CLCF1: variants seen among roughly 807,000 people sequenced by gnomAD.
CLCF1 encodes cardiotrophin-like cytokine factor 1.
CLCF1 carries 10 observed loss-of-function variants against 21.2 expected under a neutral mutation model. The ratio of observed to expected loss-of-function variants is 0.47; its 90% confidence interval spans 0.29 to 0.80. The LOEUF (loss-of-function observed/expected upper bound fraction) is 0.80, where lower values mean the gene tolerates loss of function less well. CLCF1 is among the 30% of genes least tolerant of loss of function. The pLI is 0.09. For missense variants in CLCF1, 240 were observed against 293.4 expected (o/e 0.82, Z 1.33); for synonymous variants, 115 against 120.5 (o/e 0.95, Z 0.30).
At position 67,369,657 on chromosome 11, in the gene CLCF1, G is replaced by C. The variant is rs547542313; in HGVS notation, c.17-2031C>G. The C allele has an allele frequency of 5.5e-5, 54 of 985,328 alleles. 1 individual carries two copies. The highest frequency in any genetic ancestry group is 1.8e-5 in the Non-Finnish European group (15 of 829,938). 61.0% of individuals were successfully genotyped at this position (985,328 alleles called of 1,614,324 possible). A position where few individuals can be genotyped will look rare whatever the true frequency, so the allele number is the denominator to read the frequency against. On this transcript the variant is annotated intron_variant, in intron 1 of 2. Transcript: ENST00000312438. The stretch of plus-strand genomic sequence containing the variant: ...CAGCCTTGAGGTCGCTTTCAGCATC[G>C]AGTCTGGCTTCACTCAAAGTTAGTG...
In CLCF1 at chr11:67,365,447, G is replaced by C. The variant is rs1363278334; in HGVS notation, c.367C>G (p.Gln123Glu). 2.5e-6 allele frequency: 4 copies of C among 1,613,896 alleles called. No homozygotes were observed. The South Asian group carries it at 4.4e-5, about 18-fold the overall frequency. Residue 123 changes from glutamine (Q) to glutamate (E), a missense_variant, in exon 3 of 3, where the codon CAG becomes GAG. Physicochemically the swap from Gln to Glu is conservative, Grantham distance 29 (BLOSUM62 2). Coordinates refer to ENST00000312438, the MANE Select transcript of CLCF1 (RefSeq NM_013246.3). This position sits in a 1 kb window ranked among gnomAD's most constrained non-coding sequence, Gnocchi z 5.0. ...LLCYLRGLNR[Q>E]AATAELRRSL... ...CGGCGCAGCTCAGCAGTGGCAGCCT[G>C]ACGGTTGAGGCCACGCAAGTAACAC...
Position 67,372,831 on chromosome 11 carries a change from C to T in CLCF1, c.16+693G>A, listed in dbSNP as rs912662530. ...ATAATCACTCCCAGGCCACGGTGGC[C>T]CGGGGGACTCGCGGCCGCCGCCCGC... is the stretch of plus-strand genomic sequence containing the variant. On this transcript the variant is annotated intron_variant, in intron 1 of 2. Transcript: ENST00000312438. This position sits in a 1 kb window ranked among gnomAD's most constrained non-coding sequence, Gnocchi z 5.9. 2.7e-5 allele frequency among the ~76,000 whole-genome samples: 4 copies of T among 149,954 alleles called. No individual in the cohort carries two copies. The highest frequency in any genetic ancestry group is 7.3e-5 in the African/African-American group (3 of 41,198).
At chr11:67,368,864 T>C in intron 1 of CLCF1, 1 of 983,776 alleles carries the variant, frequency 1.0e-6, no homozygotes, top group African/African-American at 1.8e-5. Context: ...TCAGCTTGAA[T>C]AGGTGTGAGG....
chr11:67,369,882 G>A, intron 1 of CLCF1: 1 of 985,366 alleles, frequency 1.0e-6, no homozygotes, highest in Non-Finnish European at 1.2e-6. Flanking sequence ...AGGGACAGCA[G>A]GGGGAGAAGC....
Position 67,372,474 on chromosome 11 carries a change from C to T in CLCF1, c.16+1050G>A. Among the ~76,000 whole-genome samples the T allele has an allele frequency of 6.6e-6, 1 of 152,106 alleles. No individual in the cohort carries two copies. The highest frequency in any genetic ancestry group is 2.0e-4 in the East Asian group (1 of 5,108). ...CGAGGGGCTCGGCCGGGAAGCTGCA[C>T]GGCGGCGGTTGCCAGCTGGCCCTCC... is the stretch of plus-strand genomic sequence containing the variant. On this transcript the variant is annotated intron_variant, in intron 1 of 2. Coordinates refer to ENST00000312438, the MANE Select transcript of CLCF1 (RefSeq NM_013246.3). This position sits in a 1 kb window ranked among gnomAD's most constrained non-coding sequence, Gnocchi z 5.9.
At chr11:67,368,340 G>A in intron 1 of CLCF1, 1 of 985,392 alleles carries the variant, frequency 1.0e-6, no homozygotes, top group Non-Finnish European at 1.2e-6. Context: ...CTTGGTGTTA[G>A]GTGGGGAAAA....
intron 2 of CLCF1, among the ~76,000 whole-genome samples, chr11:67,366,852 A>G (rs2134878862): frequency 6.6e-6 from 1 of 151,896 alleles, no homozygotes; most frequent in East Asian, 1.9e-4. Context: ...GGCTCCTCCA[A>G]CCCTCCTTCC....
chr11:67,370,938 G>C (rs1354794827), intron 1 of CLCF1: 1 of 985,342 alleles, frequency 1.0e-6, no homozygotes, highest in Non-Finnish European at 1.2e-6. Context: ...GGGGCATGGT[G>C]GCCTCAGGCT....
At chr11:67,371,042 G>A in intron 1 of CLCF1, 2 of 985,330 alleles carry the variant, frequency 2.0e-6, no homozygotes, top group Non-Finnish European at 2.4e-6. Context: ...GGGATGGAGT[G>A]GGTTAGGCGG....
intron 1 of CLCF1, among the ~76,000 whole-genome samples, chr11:67,371,588 T>C (rs1862234988): frequency 6.6e-6 from 1 of 151,958 alleles, no homozygotes; most frequent in Non-Finnish European, 1.5e-5. Flanking sequence ...GGGTTCCTGA[T>C]TGTGCCACAA....
chr11:67,373,743 T>C, upstream of CLCF1: 1 of 1,163,704 alleles, frequency 8.6e-7, no homozygotes, highest in Middle Eastern at 2.9e-4. Flanking sequence ...CGTGTAAAGC[T>C]GTAACCACAA....
chr11:67,373,656 G>GT, upstream of CLCF1: 1 of 1,253,370 alleles, frequency 8.0e-7, no homozygotes, highest in South Asian at 3.0e-5. Context: ...CCACTCGCAG[G>GT]TTTTTTTCGC....
chr11:67,367,419 C>T lies in CLCF1; in HGVS notation c.183+41G>A, dbSNP rs569006019. 9 of 1,613,892 alleles carry T rather than the reference C, an allele frequency of 5.6e-6. 1 individual carries two copies. The South Asian group carries it at 9.9e-5, about 18-fold the overall frequency. On this transcript the variant is annotated intron_variant, in intron 2 of 2. Transcript: ENST00000312438. Reference sequence around the variant, plus strand: ...TTAGGACTGTCTTTCCCCAACTCCTCACTCCTCCCCAACTCCCAGATTCCT... The same window carrying T: ...TTAGGACTGTCTTTCCCCAACTCCTTACTCCTCCCCAACTCCCAGATTCCT...
chr11:67,366,518 G>T (rs1256477862), intron 2 of CLCF1, among the ~76,000 whole-genome samples: 1 of 152,142 alleles, frequency 6.6e-6, no homozygotes, highest in Non-Finnish European at 1.5e-5. Flanking sequence ...CAGGAGGAAG[G>T]CTATGGAAGA....
At position 67,364,527 on chromosome 11, in the gene CLCF1, G is replaced by GGGTCT. The variant is rs200359845; in HGVS notation, c.*604_*608dup. On this transcript the variant is annotated 3_prime_UTR_variant, in exon 3 of 3. Transcript: ENST00000312438. ...GCCACTCTGTGCTTTGGAGACTCCT[G>GGGTCT]GGTCTGGTCTGGTCTGTCCCTGCCC... 548 of 153,322 alleles carry GGGTCT rather than the reference G, an allele frequency of 3.6e-3. 2 individuals carry two copies. The highest frequency in any genetic ancestry group is 0.027 in the Middle Eastern group (8 of 298). The allele number at this position is 153,322 out of a possible 1,614,324, so 9.5% of individuals were successfully genotyped here.
chr11:67,373,949 A>G (rs1196108114), upstream of CLCF1: 20 of 1,001,596 alleles, frequency 2.0e-5, no homozygotes, highest in Non-Finnish European at 2.3e-5. Context: ...GCCGGGGGAC[A>G]GCGCCGGCTT....
At chr11:67,370,305 C>T (rs1862201235) in intron 1 of CLCF1, 4 of 985,122 alleles carry the variant, frequency 4.1e-6, no homozygotes, top group Non-Finnish European at 4.8e-6. Context: ...CTTCCTGGAG[C>T]CCTCATCCAT....
intron 1 of CLCF1, chr11:67,370,595 C>T: frequency 1.0e-6 from 1 of 960,888 alleles, no homozygotes; most frequent in Non-Finnish European, 1.2e-6. Context: ...CCCTAGGAAC[C>T]AAGGCTCTCC....
At chr11:67,371,141 C>G in intron 1 of CLCF1, 1 of 924,408 alleles carries the variant, frequency 1.1e-6, no homozygotes, top group Non-Finnish European at 1.3e-6. Context: ...CGTGTCCTGA[C>G]CTACCTTCCC....
Sources: allele counts gnomAD v4.1 joint callset (sites outside exome capture counted in the v4.1 genomes callset), GRCh38; gene constraint gnomAD v4.1.1; non-coding constraint Gnocchi (gnomAD v3.1); transcripts MANE v1.5; gene names NCBI Gene and HGNC (gene_info 2026-07-23, HGNC 2026-07-21).